ZDHHC14: variants seen among roughly 807,000 people sequenced by gnomAD.
ZDHHC14 encodes the protein palmitoyltransferase ZDHHC14.
A neutral mutation model predicts 47.7 loss-of-function variants in ZDHHC14; 16 were observed. The observed-to-expected ratio is 0.34, with a 90% CI of 0.23 to 0.51. The LOEUF is 0.51. ZDHHC14 is among the 20% of genes least tolerant of loss of function. The probability of loss-of-function intolerance (pLI) is 0.97; values close to 1 mark genes in which losing one functional copy is unlikely to be tolerated. For missense variants in ZDHHC14, 515 were observed against 662.5 expected (o/e 0.78, Z 2.44); for synonymous variants, 293 against 278.9 (o/e 1.05, Z -0.50).
intron 1 of ZDHHC14, among the ~76,000 whole-genome samples, chr6:157,539,976 A>G (rs994440039): frequency 9.2e-5 from 14 of 152,210 alleles, no homozygotes; most frequent in African/African-American, 3.1e-4. Context: ...CTGCGGGGAC[A>G]GGAGCAGGAG....
intron 1 of ZDHHC14, among the ~76,000 whole-genome samples, chr6:157,466,885 TA>T (rs370618567): frequency 1.9e-3 from 282 of 148,788 alleles, no homozygotes; most frequent in Middle Eastern, 0.014. Flanking sequence ...AAAAAAATGT[TA>T]AAAAAAAAAG....
At chr6:157,520,121 C>A (rs2114764551) in intron 1 of ZDHHC14, among the ~76,000 whole-genome samples, 1 of 152,312 alleles carries the variant, frequency 6.6e-6, no homozygotes, top group Middle Eastern at 3.4e-3. Flanking sequence ...TGCGTAGCCT[C>A]TCCAGAGGTG....
At chr6:157,634,430 G>A (rs569662611) in intron 5 of ZDHHC14, among the ~76,000 whole-genome samples, 100 of 152,142 alleles carry the variant, frequency 6.6e-4, no homozygotes, top group African/African-American at 2.4e-3. Flanking sequence ...GTCCTCCTCC[G>A]TTCCTCTCCC....
chr6:157,553,128 A>T (rs1322303561), intron 2 of ZDHHC14, among the ~76,000 whole-genome samples: 1 of 152,152 alleles, frequency 6.6e-6, no homozygotes, highest in African/African-American at 2.4e-5. Flanking sequence ...ACTAAAAGGA[A>T]GCCTCAGGGC....
chr6:157,401,150 G>T (rs1238255405), intron 1 of ZDHHC14, among the ~76,000 whole-genome samples: 1 of 152,188 alleles, frequency 6.6e-6, no homozygotes, highest in Non-Finnish European at 1.5e-5. Flanking sequence ...CTTGCCACAA[G>T]AAGCACTGAT....
intron 3 of ZDHHC14, among the ~76,000 whole-genome samples, chr6:157,613,267 G>A (rs1784824491): frequency 6.6e-6 from 1 of 152,180 alleles, no homozygotes; most frequent in African/African-American, 2.4e-5. Context: ...TTTTCTACTG[G>A]GATCCAGTGC....
intron 1 of ZDHHC14, among the ~76,000 whole-genome samples, chr6:157,525,470 T>C (rs551229862): frequency 5.9e-5 from 9 of 152,198 alleles, no homozygotes; most frequent in East Asian, 1.9e-4. Context: ...CTGGCCTCCA[T>C]TGGGCTGTTT....
At chr6:157,444,114 G>A (rs1410730870) in intron 1 of ZDHHC14, among the ~76,000 whole-genome samples, 1 of 152,174 alleles carries the variant, frequency 6.6e-6, no homozygotes, top group Non-Finnish European at 1.5e-5. Context: ...AAGTCAAACA[G>A]TAATCGTGAT....
At chr6:157,634,298 C>G (rs1308738351) in intron 5 of ZDHHC14, among the ~76,000 whole-genome samples, 5 of 152,038 alleles carry the variant, frequency 3.3e-5, no homozygotes, top group Non-Finnish European at 7.4e-5. Flanking sequence ...AGGATAAATT[C>G]AACAAATAGG....
At chr6:157,571,776 ATTT>A (rs548623336) in intron 2 of ZDHHC14, among the ~76,000 whole-genome samples, 22 of 122,508 alleles carry the variant, frequency 1.8e-4, no homozygotes, top group Non-Finnish European at 2.0e-4. Context: ...AGGAATCTGT[ATTT>A]TTTTTTTTTT....
At position 157,447,310 on chromosome 6, in the gene ZDHHC14, C is replaced by G. The variant is rs575854148; in HGVS notation, c.245+65044C>G. Among the ~76,000 whole-genome samples, 332 of 152,310 alleles carry G rather than the reference C, an allele frequency of 2.2e-3. 1 individual carries two copies. The highest frequency in any genetic ancestry group is 7.6e-3 in the African/African-American group (317 of 41,576). On this transcript the variant is annotated intron_variant, in intron 1 of 8. Transcript: ENST00000359775. Reference sequence around the variant, plus strand: ...TGCTGTGTCTCCCTGTGGGGTGAGGCGTCCAAGGGTCAAGTGGGGGCACCT... The same window carrying G: ...TGCTGTGTCTCCCTGTGGGGTGAGGGGTCCAAGGGTCAAGTGGGGGCACCT...
intron 1 of ZDHHC14, among the ~76,000 whole-genome samples, chr6:157,530,282 A>G (rs1781317023): frequency 6.6e-6 from 1 of 152,204 alleles, no homozygotes; most frequent in African/African-American, 2.4e-5. Flanking sequence ...GAGCTGGATA[A>G]TTACATGGTA....
In ZDHHC14 at chr6:157,381,799, C is replaced by T. The variant is rs1048740688; in HGVS notation, c.-223C>T. The T allele has an allele frequency of 9.6e-5, 16 of 166,614 alleles. No individual in the cohort carries two copies. The highest frequency in any genetic ancestry group is 2.0e-4 in the Admixed American group (3 of 14,792). The allele number at this position is 166,614 out of a possible 1,614,324, so 10.3% of individuals were successfully genotyped here. A position where few individuals can be genotyped will look rare whatever the true frequency, so the allele number is the denominator to read the frequency against. On this transcript the variant is annotated 5_prime_UTR_variant, in exon 1 of 9. Transcript: ENST00000359775. ...TGCTGCCGCGGGCTGCGGACCAGCGCCGTCCCCTCACGGAGCGGGGATTCT... is the reference window on the plus strand; with the variant it reads ...TGCTGCCGCGGGCTGCGGACCAGCGTCGTCCCCTCACGGAGCGGGGATTCT...
rs761747961 is a variant in ZDHHC14 at position 157,540,884 on chromosome 6, A to ATGTGTGTGTGTGTGTGTGTG, written c.246-1698_246-1697insGTGTGTGTGTGTGTGTGTGT. Among the ~76,000 whole-genome samples, 282 of 117,570 alleles carry ATGTGTGTGTGTGTGTGTGTG rather than the reference A, an allele frequency of 2.4e-3. 3 individuals carry two copies. Among genetic ancestry groups the ATGTGTGTGTGTGTGTGTGTG allele is most frequent in the African/African-American group, 4.1e-3 (102 of 24,954 alleles). 77.1% of individuals were successfully genotyped at this position (117,570 alleles called of 152,430 possible). The stretch of plus-strand genomic sequence containing the variant: ...ATATAACATATATAGATATATATGT[A>ATGTGTGTGTGTGTGTGTGTG]TGTATGTGTGTGTGTGTGTGTGTGT... On this transcript the variant is annotated intron_variant, in intron 1 of 8. Transcript: ENST00000359775.
At chr6:157,517,569 C>A (rs1307848460) in intron 1 of ZDHHC14, among the ~76,000 whole-genome samples, 1 of 152,118 alleles carries the variant, frequency 6.6e-6, no homozygotes, top group East Asian at 1.9e-4. Context: ...CCTTGGCCTC[C>A]CAAAGTGCTG....
chr6:157,451,012 G>A (rs2114802658), intron 1 of ZDHHC14, among the ~76,000 whole-genome samples: 1 of 152,038 alleles, frequency 6.6e-6, no homozygotes, highest in African/African-American at 2.4e-5. Context: ...GTGTGTGTGT[G>A]TGTGTGTGTG....
At chr6:157,568,628 C>T (rs1036660583) in intron 2 of ZDHHC14, among the ~76,000 whole-genome samples, 6 of 152,022 alleles carry the variant, frequency 3.9e-5, no homozygotes, top group African/African-American at 1.4e-4. Context: ...TGAAAATTTC[C>T]TTAAGTCAAA....
At chr6:157,644,549 G>A (rs1016095865) in intron 5 of ZDHHC14, among the ~76,000 whole-genome samples, 2 of 152,234 alleles carry the variant, frequency 1.3e-5, no homozygotes, top group Admixed American at 6.5e-5. Flanking sequence ...CCTGTTTTGT[G>A]TGCAGCCTTG....
chr6:157,426,861 G>T (rs189299594), intron 1 of ZDHHC14, among the ~76,000 whole-genome samples: 1 of 152,224 alleles, frequency 6.6e-6, no homozygotes, highest in Non-Finnish European at 1.5e-5. Flanking sequence ...CCATAAGAGC[G>T]TTTTCCGTGG....
Sources: gnomAD v4.1 joint callset for allele counts (sites outside exome capture counted in the v4.1 genomes callset) on GRCh38, gnomAD v4.1.1 for gene constraint, MANE v1.5 for transcripts, NCBI Gene and HGNC (gene_info 2026-07-23, HGNC 2026-07-21) for gene names.